CHCHD6: variants seen among roughly 807,000 people sequenced by gnomAD.
The protein encoded by CHCHD6 is MICOS complex subunit MIC25.
Under a neutral mutation model 32.3 loss-of-function variants are expected in CHCHD6, and 28 were observed. The observed-to-expected ratio is 0.87, with a 90% CI of 0.64 to 1.19. The LOEUF (loss-of-function observed/expected upper bound fraction) is 1.19. Among genes scored for constraint, CHCHD6 ranks in the 50% most tolerant of loss-of-function variants. CHCHD6 has a pLI of 0.00. For missense variants in CHCHD6, 333 were observed against 307.0 expected, an observed-to-expected ratio of 1.08 and a Z score of -0.63; for synonymous variants, 122 against 117.5, an observed-to-expected ratio of 1.04 and a Z score of -0.25.
chr3:126,723,511 G>A (rs1180716209), intron 1 of CHCHD6, among the ~76,000 whole-genome samples: 1 of 152,044 alleles, frequency 6.6e-6, no homozygotes, highest in Non-Finnish European at 1.5e-5. Flanking sequence ...ATTTATATTT[G>A]TATGTCTGCA....
chr3:126,803,409 G>A (rs1939186774), intron 4 of CHCHD6, among the ~76,000 whole-genome samples: 1 of 152,072 alleles, frequency 6.6e-6, no homozygotes. Context: ...GGCAGGGGTT[G>A]CAATCCTAGT....
chr3:126,742,453 G>T (rs990643097), intron 4 of CHCHD6, among the ~76,000 whole-genome samples: 12 of 152,168 alleles, frequency 7.9e-5, no homozygotes, highest in Admixed American at 3.3e-4. Flanking sequence ...TAGGTGCATT[G>T]TGATGGTATC....
chr3:126,818,768 C>T (rs1940025411), intron 4 of CHCHD6, among the ~76,000 whole-genome samples: 1 of 152,216 alleles, frequency 6.6e-6, no homozygotes, highest in African/African-American at 2.4e-5. Context: ...ATCTCCCCAT[C>T]ATCTGATTCT....
chr3:126,779,149 A>AT lies in CHCHD6; in HGVS notation c.411+45932dup, dbSNP rs536045654. Among the ~76,000 whole-genome samples the AT allele has an allele frequency of 9.9e-5, 15 of 152,056 alleles. 1 individual carries two copies. In the South Asian group the frequency reaches 3.1e-3, roughly 32 times the overall value. On this transcript the variant is annotated intron_variant, in intron 4 of 7. Coordinates refer to ENST00000290913, the MANE Select transcript of CHCHD6 (RefSeq NM_032343.3). ...TAGGCATGAACCACTGTGCCTGGTA[A>AT]TTTTTCTTTATTGCTGGTACTTTTA... is the stretch of plus-strand genomic sequence containing the variant.
At chr3:126,876,867 A>G (rs73205621) in intron 5 of CHCHD6, among the ~76,000 whole-genome samples, 3,858 of 152,326 alleles carry the variant, frequency 0.025, 61 homozygotes, top group Middle Eastern at 0.061. Flanking sequence ...ACCTGGATCC[A>G]TAATATGATA....
chr3:126,788,630 T>C (rs1938356312), intron 4 of CHCHD6, among the ~76,000 whole-genome samples: 2 of 152,042 alleles, frequency 1.3e-5, no homozygotes, highest in Non-Finnish European at 2.9e-5. Flanking sequence ...TTTATAGTAT[T>C]CTCTGATGGT....
At chr3:126,730,488 C>A in intron 2 of CHCHD6, 73 bp from the exon 3 acceptor site, 1 of 1,270,528 alleles carries the variant, frequency 7.9e-7, no homozygotes, top group Non-Finnish European at 1.1e-6. Context: ...GGTCATTCCT[C>A]TCTGGGTGAC....
intron 4 of CHCHD6, among the ~76,000 whole-genome samples, chr3:126,807,219 A>G (rs1368004804): frequency 1.3e-5 from 2 of 152,078 alleles, no homozygotes; most frequent in African/African-American, 2.4e-5. Flanking sequence ...TTGTGAGACC[A>G]AAACATTCAG....
intron 5 of CHCHD6, among the ~76,000 whole-genome samples, chr3:126,867,119 A>G (rs566086910): frequency 6.8e-4 from 103 of 152,310 alleles, no homozygotes; most frequent in African/African-American, 2.5e-3. Context: ...CTTTCATTGC[A>G]TGGGACCTGG....
In CHCHD6 at chr3:126,721,400, G is replaced by A. The variant is rs547763307; in HGVS notation, c.88-5678G>A. 2.7e-4 allele frequency among the ~76,000 whole-genome samples: 41 copies of A among 152,232 alleles called. 1 individual carries two copies. Among genetic ancestry groups the A allele is most frequent in the Non-Finnish European group, 4.9e-4 (33 of 68,018 alleles). ...TCTGCCTTCTGCAGACATCGCTGCC[G>A]TCCCGCCCATGGGATGGAGCTTCTC... On this transcript the variant is annotated intron_variant, in intron 1 of 7. Transcript: ENST00000290913.
chr3:126,799,009 G>A (rs146379425), intron 4 of CHCHD6, among the ~76,000 whole-genome samples: 2 of 152,294 alleles, frequency 1.3e-5, no homozygotes, highest in East Asian at 3.9e-4. Context: ...TATGCCCTCT[G>A]GTGCTGGTGA....
At chr3:126,856,456 G>A (rs184330101) in intron 5 of CHCHD6, among the ~76,000 whole-genome samples, 77 of 152,340 alleles carry the variant, frequency 5.1e-4, no homozygotes, top group African/African-American at 1.8e-3. Context: ...CCAGGAAGGT[G>A]AGACCCTCGA....
intron 4 of CHCHD6, among the ~76,000 whole-genome samples, chr3:126,837,867 A>G (rs1436011556): frequency 6.6e-6 from 1 of 152,214 alleles, no homozygotes; most frequent in Non-Finnish European, 1.5e-5. Context: ...GAGCATTTCC[A>G]CCGTCTCCTT....
chr3:126,807,000 A>T (rs1939419051), intron 4 of CHCHD6, among the ~76,000 whole-genome samples: 1 of 139,564 alleles, frequency 7.2e-6, no homozygotes, highest in Non-Finnish European at 1.5e-5. Context: ...TTGAACAGTG[A>T]GAACACATGG....
intron 5 of CHCHD6, among the ~76,000 whole-genome samples, chr3:126,895,133 A>G (rs559922374): frequency 1.8e-4 from 28 of 152,364 alleles, no homozygotes; most frequent in African/African-American, 6.0e-4. Flanking sequence ...TGTTGTATAT[A>G]TAAACCTTTC....
chr3:126,886,532 C>T (rs1392141674), intron 5 of CHCHD6, among the ~76,000 whole-genome samples: 1 of 152,198 alleles, frequency 6.6e-6, no homozygotes, highest in Non-Finnish European at 1.5e-5. Flanking sequence ...TTTGTAATGG[C>T]TTCAGAGCAC....
chr3:126,837,996 CA>C (rs1940930186), intron 4 of CHCHD6, among the ~76,000 whole-genome samples: 1 of 152,194 alleles, frequency 6.6e-6, no homozygotes, highest in African/African-American at 2.4e-5. Flanking sequence ...CTCATTCTCC[CA>C]GCCATGGGCA....
intron 6 of CHCHD6, among the ~76,000 whole-genome samples, chr3:126,943,381 A>C (rs1207468850): frequency 1.3e-5 from 2 of 152,118 alleles, no homozygotes; most frequent in Non-Finnish European, 2.9e-5. Context: ...TGGCTGTGGG[A>C]TGTGTCCACT....
intron 4 of CHCHD6, among the ~76,000 whole-genome samples, chr3:126,798,581 T>C (rs1938909699): frequency 6.9e-6 from 1 of 145,942 alleles, no homozygotes; most frequent in Non-Finnish European, 1.5e-5. Flanking sequence ...TGGTACTCGT[T>C]CTGTTACTAG....
Sources: gnomAD v4.1 joint callset for allele counts (sites outside exome capture counted in the v4.1 genomes callset) on GRCh38, gnomAD v4.1.1 for gene constraint, MANE v1.5 for transcripts, NCBI Gene and HGNC (gene_info 2026-07-23, HGNC 2026-07-21) for gene names.